CDH2: variants seen among roughly 807,000 people sequenced by gnomAD.
The protein encoded by CDH2 is cadherin-2.
Under a neutral mutation model 92.0 loss-of-function variants are expected in CDH2, and 17 were observed. The observed-to-expected ratio is 0.18, with a 90% CI of 0.13 to 0.28. CDH2 has a LOEUF of 0.28. Among genes scored for constraint, CDH2 ranks in the 10% least tolerant of loss-of-function variants. The pLI is 1.00. For synonymous variants in CDH2, 419 were observed against 415.9 expected, an observed-to-expected ratio of 1.01 and a Z score of -0.09; for missense variants, 862 against 1,133.1, an observed-to-expected ratio of 0.76 and a Z score of 3.44.
At chr18:28,163,966 G>C (rs2016342329) in intron 1 of CDH2, among the ~76,000 whole-genome samples, 1 of 152,152 alleles carries the variant, frequency 6.6e-6, no homozygotes, top group Admixed American at 6.5e-5. Flanking sequence ...GGATGTCCAA[G>C]GAAGTAGGAA....
intron 2 of CDH2, among the ~76,000 whole-genome samples, chr18:28,022,048 G>A (rs149630223): frequency 6.6e-6 from 1 of 151,934 alleles, no homozygotes; most frequent in Non-Finnish European, 1.5e-5. Context: ...TGCCACAACA[G>A]TAAGTGTTTC....
chr18:28,111,803 G>GT (rs900063771), intron 2 of CDH2, among the ~76,000 whole-genome samples: 5 of 151,968 alleles, frequency 3.3e-5, no homozygotes, highest in South Asian at 2.1e-4. Context: ...GATCTTTCAA[G>GT]TTTTTTTTCT....
At chr18:28,051,264 A>G (rs80004826) in intron 2 of CDH2, among the ~76,000 whole-genome samples, 1,557 of 152,296 alleles carry the variant, frequency 0.01, 23 homozygotes, top group African/African-American at 0.03. Flanking sequence ...ACTAAAGTAT[A>G]GCTAACATGA....
At position 28,083,033 on chromosome 18, in the gene CDH2, T is replaced by C. The variant is rs561005592; in HGVS notation, c.172+64640A>G. Reference sequence around the variant, plus strand: ...GATGCCAACTGAGCAAAAAAGAATGTTGATATTCAATTTCCTGCCTATGGA... The same window carrying C: ...GATGCCAACTGAGCAAAAAAGAATGCTGATATTCAATTTCCTGCCTATGGA... On this transcript the variant is annotated intron_variant, in intron 2 of 15. Transcript: ENST00000269141. Among the ~76,000 whole-genome samples the C allele has an allele frequency of 3.9e-5, 6 of 152,302 alleles. No homozygotes were observed. In the South Asian group the frequency reaches 1.0e-3, roughly 26 times the overall value.
intron 2 of CDH2, among the ~76,000 whole-genome samples, chr18:28,074,921 T>C (rs980170293): frequency 6.6e-6 from 1 of 152,086 alleles, no homozygotes; most frequent in African/African-American, 2.4e-5. Context: ...GTTAACAGTG[T>C]GTCAAAAAAT....
chr18:28,056,884 A>G (rs897876147), intron 2 of CDH2, among the ~76,000 whole-genome samples: 1 of 152,232 alleles, frequency 6.6e-6, no homozygotes, highest in Non-Finnish European at 1.5e-5. Context: ...ACCTTGAATT[A>G]TATTTGCATG....
At chr18:27,975,187 A>G (rs916710833) in intron 14 of CDH2, among the ~76,000 whole-genome samples, 2 of 152,182 alleles carry the variant, frequency 1.3e-5, no homozygotes, top group Non-Finnish European at 2.9e-5. Flanking sequence ...GTCATGCTCC[A>G]GTCAGCAACA....
intron 2 of CDH2, among the ~76,000 whole-genome samples, chr18:28,060,267 C>T (rs1035900926): frequency 6.6e-6 from 1 of 152,076 alleles, no homozygotes; most frequent in Non-Finnish European, 1.5e-5. Context: ...GTTCACTGCA[C>T]TCTCTGCCTC....
At chr18:28,094,613 T>C (rs983645443) in intron 2 of CDH2, among the ~76,000 whole-genome samples, 1 of 151,554 alleles carries the variant, frequency 6.6e-6, no homozygotes, top group Non-Finnish European at 1.5e-5. Context: ...GCTAACATGG[T>C]GAAACCCTGT....
intron 2 of CDH2, among the ~76,000 whole-genome samples, chr18:28,079,189 AT>A (rs1427177990): frequency 1.3e-5 from 2 of 152,198 alleles, no homozygotes; most frequent in Non-Finnish European, 2.9e-5. Context: ...GTAAAACATA[AT>A]TCCCCCTCAT....
At chr18:28,040,721 G>A (rs541383490) in intron 2 of CDH2, among the ~76,000 whole-genome samples, 2 of 152,252 alleles carry the variant, frequency 1.3e-5, no homozygotes, top group East Asian at 1.9e-4. Flanking sequence ...CCTACTAAGT[G>A]CAACAAAAAT....
intron 2 of CDH2, among the ~76,000 whole-genome samples, chr18:28,032,597 G>A (rs367737508): frequency 1.3e-4 from 20 of 152,234 alleles, no homozygotes; most frequent in African/African-American, 3.6e-4. Flanking sequence ...AGTTCAGAAT[G>A]TTTGTGATAA....
intron 2 of CDH2, among the ~76,000 whole-genome samples, chr18:28,058,259 C>T (rs1034371133): frequency 5.9e-5 from 9 of 152,140 alleles, no homozygotes; most frequent in African/African-American, 2.2e-4. Context: ...TTTCATAATC[C>T]ATTGATGACA....
downstream of CDH2, among the ~76,000 whole-genome samples, chr18:27,947,668 A>G (rs1352266087): frequency 2.0e-5 from 3 of 151,702 alleles, no homozygotes; most frequent in Non-Finnish European, 4.4e-5. Context: ...AGTATATGTG[A>G]TATAAGTATA....
At chr18:28,021,031 T>C (rs563297765) in intron 2 of CDH2, among the ~76,000 whole-genome samples, 23 of 152,030 alleles carry the variant, frequency 1.5e-4, no homozygotes, top group African/African-American at 5.5e-4. Flanking sequence ...CAGATATAAC[T>C]TAAAGGAATG....
chr18:28,060,455 G>A (rs760321523), intron 2 of CDH2, among the ~76,000 whole-genome samples: 2 of 152,134 alleles, frequency 1.3e-5, no homozygotes, highest in Non-Finnish European at 2.9e-5. Flanking sequence ...CCAAAGTCCT[G>A]AGATTACAGG....
intron 1 of CDH2, among the ~76,000 whole-genome samples, chr18:28,158,766 T>C (rs906216072): frequency 2.6e-5 from 4 of 152,234 alleles, no homozygotes; most frequent in East Asian, 1.9e-4. Context: ...GGCTATGTTA[T>C]GTGTGATACC....
At position 27,983,882 on chromosome 18, in the gene CDH2, C is replaced by T. The variant is rs17493402; in HGVS notation, c.2210-799G>A. On this transcript the variant is annotated intron_variant, in intron 13 of 15. Coordinates refer to ENST00000269141, the MANE Select transcript of CDH2 (RefSeq NM_001792.5). Reference sequence around the variant, plus strand: ...AAATGGAAACATATCCCTAGGTGCACATCTAGGAACAAATTCTATCTAAAA... The same window carrying T: ...AAATGGAAACATATCCCTAGGTGCATATCTAGGAACAAATTCTATCTAAAA... Among the ~76,000 whole-genome samples the T allele has an allele frequency of 9.7e-3, 1,472 of 152,318 alleles. 22 individuals carry two copies. Among genetic ancestry groups the T allele is most frequent in the African/African-American group, 0.033 (1,391 of 41,574 alleles).
At chr18:27,984,926 T>C (rs2012175127) in intron 13 of CDH2, 74 bp downstream of exon 13, 4 of 1,181,740 alleles carry the variant, frequency 3.4e-6, no homozygotes, top group African/African-American at 1.5e-5. Flanking sequence ...TGCCAGGCAA[T>C]AGCAACACAT....
Sources: allele counts gnomAD v4.1 joint callset (sites outside exome capture counted in the v4.1 genomes callset), GRCh38; gene constraint gnomAD v4.1.1; transcripts MANE v1.5; gene names NCBI Gene and HGNC (gene_info 2026-07-23, HGNC 2026-07-21).